Variants in ROBO2 observed in about 807,000 individuals in gnomAD.
The protein encoded by ROBO2 is roundabout homolog 2.
A neutral mutation model predicts 160.8 loss-of-function variants in ROBO2; 53 were observed. The ratio of observed to expected loss-of-function variants is 0.33; its 90% CI spans 0.26 to 0.41. The LOEUF (loss-of-function observed/expected upper bound fraction) is 0.41, where lower values mean the gene tolerates loss of function less well. ROBO2 is among the 10% of genes least tolerant of loss of function. ROBO2 has a pLI of 1.00. For missense variants in ROBO2, 1,577 were observed against 1,722.4 expected, an observed-to-expected ratio of 0.92 and a Z score of 1.49; for synonymous variants, 664 against 611.7, an observed-to-expected ratio of 1.09 and a Z score of -1.26.
chr3:76,132,402 G>A (rs76557764), intron 2 of ROBO2, among the ~76,000 whole-genome samples: 9 of 62,648 alleles, frequency 1.4e-4, no homozygotes, highest in East Asian at 4.5e-4. Flanking sequence ...GTTGGGGGGG[G>A]GGGGGGACGC....
intron 2 of ROBO2, among the ~76,000 whole-genome samples, chr3:76,089,653 A>T (rs2108083271): frequency 6.6e-6 from 1 of 152,290 alleles, no homozygotes; most frequent in Admixed American, 6.5e-5. Context: ...AATTCTTAGT[A>T]AACTAGGAAC....
intron 2 of ROBO2, among the ~76,000 whole-genome samples, chr3:76,598,437 G>A (rs186566664): frequency 1.6e-4 from 24 of 152,168 alleles, no homozygotes; most frequent in African/African-American, 4.3e-4. Context: ...ACACACACAT[G>A]CACACATGGA....
intron 4 of ROBO2, 93 bp downstream of exon 4, chr3:77,481,312 A>G: frequency 3.0e-6 from 3 of 1,006,804 alleles, no homozygotes; most frequent in Non-Finnish European, 2.7e-6. Flanking sequence ...CCATATAAGG[A>G]CAGTTACTCA....
intron 1 of ROBO2, among the ~76,000 whole-genome samples, chr3:77,053,838 A>T (rs944627808): frequency 1.3e-5 from 2 of 152,186 alleles, no homozygotes; most frequent in Non-Finnish European, 2.9e-5. Context: ...CCAGCAAAGC[A>T]ATAACACTGA....
intron 2 of ROBO2, among the ~76,000 whole-genome samples, chr3:77,150,466 T>C (rs1269352979): frequency 6.6e-6 from 1 of 152,244 alleles, no homozygotes; most frequent in African/African-American, 2.4e-5. Context: ...ATCTTTTTAC[T>C]GCAAGAAAAC....
chr3:76,144,614 T>G lies in ROBO2; in HGVS notation c.109+207012T>G, dbSNP rs527800891. 2.0e-5 allele frequency among the ~76,000 whole-genome samples: 3 copies of G among 152,200 alleles called. No individual in the cohort carries two copies. In the South Asian group the frequency reaches 6.2e-4, roughly 32 times the overall value. ...GTGCATGTTGGAGATTCTTAGATTA[T>G]GCAAAAGATAATGAACAATTCCATA... On this transcript the variant is annotated intron_variant, in intron 2 of 26. Transcript: ENST00000487694.
chr3:76,310,880 A>G (rs2071548577), intron 2 of ROBO2, among the ~76,000 whole-genome samples: 2 of 152,284 alleles, frequency 1.3e-5, no homozygotes, highest in African/African-American at 4.8e-5. Flanking sequence ...TTGCACGGCT[A>G]TTAGGATCAC....
At chr3:76,184,391 T>C (rs1254727355) in intron 2 of ROBO2, among the ~76,000 whole-genome samples, 1 of 152,130 alleles carries the variant, frequency 6.6e-6, no homozygotes, top group African/African-American at 2.4e-5. Context: ...GACCCATGAC[T>C]GGCATATCAG....
intron 1 of ROBO2, among the ~76,000 whole-genome samples, chr3:75,925,287 G>A (rs2106876072): frequency 6.6e-6 from 1 of 151,942 alleles, no homozygotes. Flanking sequence ...TGGCTACTCC[G>A]GAGGCTGCGG....
chr3:76,272,092 A>T (rs1045334488), intron 2 of ROBO2, among the ~76,000 whole-genome samples: 3 of 152,198 alleles, frequency 2.0e-5, no homozygotes, highest in African/African-American at 7.2e-5. Flanking sequence ...ATAAACATAT[A>T]AAAGTAAGTT....
intron 1 of ROBO2, among the ~76,000 whole-genome samples, chr3:77,078,897 C>G (rs778037043): frequency 7.2e-5 from 11 of 152,120 alleles, no homozygotes; most frequent in Non-Finnish European, 1.5e-4. Flanking sequence ...TCATATCTTA[C>G]TCTTGCCAGA....
At chr3:76,414,857 G>A (rs953120176) in intron 2 of ROBO2, among the ~76,000 whole-genome samples, 1 of 152,090 alleles carries the variant, frequency 6.6e-6, no homozygotes, top group South Asian at 2.1e-4. Flanking sequence ...TATTCTAAGG[G>A]AAGTGATTGA....
At chr3:77,465,606 C>T (rs182157504) in intron 2 of ROBO2, among the ~76,000 whole-genome samples, 54 of 152,236 alleles carry the variant, frequency 3.5e-4, no homozygotes, top group African/African-American at 1.1e-3. Flanking sequence ...TATTAAAACT[C>T]TACTGAAGAA....
chr3:76,605,202 T>A (rs1578476697), intron 2 of ROBO2, among the ~76,000 whole-genome samples: 2 of 152,290 alleles, frequency 1.3e-5, no homozygotes, highest in Non-Finnish European at 2.9e-5. Flanking sequence ...AATAGTTATA[T>A]ACCAAGGTAT....
intron 2 of ROBO2, among the ~76,000 whole-genome samples, chr3:76,164,625 T>G (rs1029940555): frequency 4.6e-5 from 7 of 152,152 alleles, no homozygotes; most frequent in African/African-American, 1.7e-4. Context: ...TATTGAAGGA[T>G]GTCTTTTTTG....
intron 2 of ROBO2, among the ~76,000 whole-genome samples, chr3:76,372,522 C>T (rs759180516): frequency 2.6e-5 from 4 of 151,902 alleles, no homozygotes; most frequent in Non-Finnish European, 5.9e-5. Context: ...GTACCTTAAC[C>T]ATGGGAACAC....
chr3:76,353,061 G>A (rs540556763), intron 2 of ROBO2, among the ~76,000 whole-genome samples: 10 of 152,016 alleles, frequency 6.6e-5, no homozygotes, highest in South Asian at 2.1e-4. Context: ...GTGATGATTC[G>A]TCGGACTTTG....
At chr3:77,502,026 A>T (rs562584154) in intron 5 of ROBO2, among the ~76,000 whole-genome samples, 1 of 152,326 alleles carries the variant, frequency 6.6e-6, no homozygotes, top group East Asian at 1.9e-4. Context: ...AGCATTTTAC[A>T]ATAGTGCTAT....
intron 2 of ROBO2, among the ~76,000 whole-genome samples, chr3:76,880,060 T>C (rs2073177127): frequency 6.6e-6 from 1 of 152,154 alleles, no homozygotes; most frequent in African/African-American, 2.4e-5. Context: ...TCATACATAA[T>C]TCATGAATCC....
Sources: gnomAD v4.1 joint callset for allele counts (sites outside exome capture counted in the v4.1 genomes callset) on GRCh38, gnomAD v4.1.1 for gene constraint, MANE v1.5 for transcripts, NCBI Gene and HGNC (gene_info 2026-07-23, HGNC 2026-07-21) for gene names.